The following MCTP1 variants were observed in gnomAD, a reference collection of about 807,000 sequenced individuals.
The protein encoded by MCTP1 is multiple C2 and transmembrane domain containing 1, also known as multiple C2 and transmembrane domain-containing protein 1.
Under a neutral mutation model 120.6 loss-of-function variants are expected in MCTP1, and 69 were observed. That is an observed-to-expected ratio of 0.57 (90% CI 0.47 to 0.70). MCTP1 has a LOEUF of 0.70. MCTP1 is among the 30% of genes least tolerant of loss of function. MCTP1 has a pLI of 0.00. For missense variants in MCTP1, 1,203 were observed against 1,248.8 expected, an observed-to-expected ratio of 0.96 and a Z score of 0.55; for synonymous variants, 529 against 493.1, an observed-to-expected ratio of 1.07 and a Z score of -0.96.
intron 1 of MCTP1, among the ~76,000 whole-genome samples, chr5:95,235,129 T>A (rs1021356799): frequency 2.6e-5 from 4 of 151,946 alleles, no homozygotes; most frequent in Non-Finnish European, 4.4e-5. Flanking sequence ...TCAGGCAGTG[T>A]TTTCCTCAGA....
At chr5:94,850,487 G>C (rs1793454774) in intron 17 of MCTP1, among the ~76,000 whole-genome samples, 1 of 152,100 alleles carries the variant, frequency 6.6e-6, no homozygotes, top group Non-Finnish European at 1.5e-5. Context: ...TGACATACAA[G>C]ACAATTAGCA....
At chr5:95,278,615 A>G (rs1250729978) in intron 1 of MCTP1, among the ~76,000 whole-genome samples, 3 of 152,194 alleles carry the variant, frequency 2.0e-5, no homozygotes, top group East Asian at 3.8e-4. Context: ...TGTGATTTTT[A>G]GTAAGTTTTC....
intron 2 of MCTP1, among the ~76,000 whole-genome samples, chr5:95,007,876 C>T (rs1241624885): frequency 6.6e-6 from 1 of 152,162 alleles, no homozygotes; most frequent in Non-Finnish European, 1.5e-5. Context: ...ACAGAGTAGA[C>T]TTGAAGAGTT....
In MCTP1 at chr5:94,710,944, C is replaced by T; in HGVS notation, c.2721-17G>A. On this transcript the variant is annotated splice_polypyrimidine_tract_variant and intron_variant, in intron 20 of 22. Coordinates refer to ENST00000515393, the MANE Select transcript of MCTP1 (RefSeq NM_024717.7). ...TTGAAAGTACTGAATGGAAAATTAA[C>T]ACATCAGCAATCTGAGTACTTCATA... The T allele has an allele frequency of 6.5e-7, 1 of 1,528,530 alleles. No individual in the cohort carries two copies. The highest frequency in any genetic ancestry group is 1.1e-5 in the South Asian group (1 of 88,810). The allele number at this position is 1,528,530 out of a possible 1,614,324, so 94.7% of individuals were successfully genotyped here.
chr5:94,895,520 G>T (rs1263234032), intron 10 of MCTP1, among the ~76,000 whole-genome samples: 1 of 152,204 alleles, frequency 6.6e-6, no homozygotes, highest in Non-Finnish European at 1.5e-5. Context: ...TGATTTTGAA[G>T]AGAAAGGTAA....
intron 1 of MCTP1, among the ~76,000 whole-genome samples, chr5:95,171,401 T>G (rs1218277366): frequency 6.6e-6 from 1 of 152,220 alleles, no homozygotes; most frequent in Non-Finnish European, 1.5e-5. Context: ...GGAGTTGCCC[T>G]TCTCAAGGAG....
chr5:94,724,347 G>A (rs997037563), intron 19 of MCTP1, among the ~76,000 whole-genome samples: 1 of 151,584 alleles, frequency 6.6e-6, no homozygotes, highest in Non-Finnish European at 1.5e-5. Flanking sequence ...CTAGGCTCAA[G>A]CAATCCTCCC....
intron 1 of MCTP1, among the ~76,000 whole-genome samples, chr5:95,138,115 G>A (rs1422184098): frequency 1.3e-5 from 2 of 151,764 alleles, no homozygotes; most frequent in East Asian, 3.9e-4. Flanking sequence ...ATCTTTTACA[G>A]TAATTTCAAG....
chr5:95,172,506 G>C (rs953394950), intron 1 of MCTP1, among the ~76,000 whole-genome samples: 3 of 152,098 alleles, frequency 2.0e-5, no homozygotes, highest in Non-Finnish European at 4.4e-5. Flanking sequence ...AAATTCCACT[G>C]TGCTTAACCA....
intron 19 of MCTP1, among the ~76,000 whole-genome samples, chr5:94,739,913 C>T (rs1479840113): frequency 6.6e-6 from 1 of 152,136 alleles, no homozygotes; most frequent in Non-Finnish European, 1.5e-5. Context: ...GGTGATCCAC[C>T]CACCTCAGTC....
At chr5:94,766,416 C>T (rs1023711884) in intron 19 of MCTP1, among the ~76,000 whole-genome samples, 1 of 151,454 alleles carries the variant, frequency 6.6e-6, no homozygotes, top group South Asian at 2.1e-4. Flanking sequence ...AGCAAGCTAT[C>T]GCAAGGACAG....
At chr5:95,101,329 A>G (rs1756716347) in intron 1 of MCTP1, among the ~76,000 whole-genome samples, 1 of 152,172 alleles carries the variant, frequency 6.6e-6, no homozygotes, top group Non-Finnish European at 1.5e-5. Flanking sequence ...TTTTTTCAAA[A>G]TAGGTAATAT....
chr5:95,072,740 A>ATTTTTTTTTTTTTT (rs11421165), intron 1 of MCTP1, among the ~76,000 whole-genome samples: 1 of 95,282 alleles, frequency 1.0e-5, no homozygotes, highest in Non-Finnish European at 1.9e-5. Context: ...CTTAGCAACT[A>ATTTTTTTTTTTTTT]TTTTTTTTTT....
intron 17 of MCTP1, among the ~76,000 whole-genome samples, chr5:94,810,386 G>A (rs1783156591): frequency 6.6e-6 from 1 of 152,058 alleles, no homozygotes; most frequent in South Asian, 2.1e-4. Flanking sequence ...ATTTCCCTAA[G>A]CTTGAAATCT....
At chr5:95,169,221 C>T (rs925056844) in intron 1 of MCTP1, among the ~76,000 whole-genome samples, 8 of 152,160 alleles carry the variant, frequency 5.3e-5, no homozygotes, top group Non-Finnish European at 1.2e-4. Context: ...TATGTTGAAC[C>T]AGCCTTGCAA....
intron 1 of MCTP1, among the ~76,000 whole-genome samples, chr5:95,114,499 ATGGCAGTAACC>A (rs1757676243): frequency 1.3e-5 from 2 of 152,206 alleles, no homozygotes; most frequent in Admixed American, 6.5e-5. Flanking sequence ...TTAAGAGAGC[ATGGCAGTAACC>A]TGGCAATACT....
rs189933345 is a variant in MCTP1, at chr5:94,872,016, G to T, written c.2037-599C>A. Among the ~76,000 whole-genome samples, 1,282 of 152,124 alleles carry T rather than the reference G, an allele frequency of 8.4e-3. 14 individuals are homozygous for T. Among genetic ancestry groups the T allele is most frequent in the African/African-American group, 0.028 (1,173 of 41,526 alleles). Reference sequence around the variant, plus strand: ...CCCTGGAATTTAGAAATTAAGCAGGGTTCCATTATGTTCCAAAGACAACAT... The same window carrying T: ...CCCTGGAATTTAGAAATTAAGCAGGTTTCCATTATGTTCCAAAGACAACAT... On this transcript the variant is annotated intron_variant, in intron 13 of 22. Coordinates refer to ENST00000515393, the MANE Select transcript of MCTP1 (RefSeq NM_024717.7).
intron 1 of MCTP1, chr5:95,081,782 G>A: frequency 1.7e-5 from 19 of 1,111,012 alleles, no homozygotes; most frequent in East Asian, 5.0e-5. Flanking sequence ...CATCATATCT[G>A]GGGTTCTAAA....
At chr5:95,185,271 A>G (rs1303439065) in intron 1 of MCTP1, among the ~76,000 whole-genome samples, 1 of 152,240 alleles carries the variant, frequency 6.6e-6, no homozygotes, top group East Asian at 1.9e-4. Flanking sequence ...TATTCTATGA[A>G]CTTAGATGCA....
Sources: allele counts gnomAD v4.1 joint callset (sites outside exome capture counted in the v4.1 genomes callset), GRCh38; gene constraint gnomAD v4.1.1; transcripts MANE v1.5; gene names NCBI Gene and HGNC (gene_info 2026-07-23, HGNC 2026-07-21).